PCDH15: variants seen among roughly 807,000 people sequenced by gnomAD.
The protein encoded by PCDH15 is protocadherin related 15, also known as protocadherin-15.
Under a neutral mutation model 178.5 loss-of-function variants are expected in PCDH15, and 129 were observed. The ratio of observed to expected loss-of-function variants is 0.72; its 90% CI spans 0.63 to 0.84. The LOEUF (loss-of-function observed/expected upper bound fraction) is 0.84. PCDH15 is among the 40% of genes least tolerant of loss of function. The pLI is 0.00. For missense variants in PCDH15, 2,230 were observed against 2,099.9 expected, an observed-to-expected ratio of 1.06 and a Z score of -1.21; for synonymous variants, 800 against 732.0, an observed-to-expected ratio of 1.09 and a Z score of -1.50.
At chr10:54,003,752 A>AC (rs2092273777) in intron 20 of PCDH15, among the ~76,000 whole-genome samples, 2 of 150,720 alleles carry the variant, frequency 1.3e-5, no homozygotes, top group South Asian at 4.2e-4. Flanking sequence ...AAAAAAAAAA[A>AC]AAAAAAAAAC....
rs1190323123 is a variant in PCDH15, at chr10:54,183,585, T to G, written c.1449A>C (p.Ala483=). 2 of 1,613,914 alleles carry G rather than the reference T, an allele frequency of 1.2e-6. No homozygotes were observed. Among genetic ancestry groups the G allele is most frequent in the Admixed American group, 3.3e-5 (2 of 60,016 alleles). The change falls in exon 13 of 38, where the codon GCA becomes GCC. Residue 483 remains alanine, a synonymous_variant. Coordinates refer to ENST00000644397, the MANE Select transcript of PCDH15 (RefSeq NM_001384140.1). The stretch of plus-strand genomic sequence containing the variant: ...GCTCACTTTCTTGTACACCATCAAA[T>G]GCTGTTATCTTTGGGAGGAGAAAAA... The part of the protein sequence containing the change: ...EQQTYTFSIT[A]FDGVQESEPV...
At chr10:55,386,690 T>G (rs1837668051) in intron 2 of PCDH15, among the ~76,000 whole-genome samples, 1 of 152,004 alleles carries the variant, frequency 6.6e-6, no homozygotes, top group Non-Finnish European at 1.5e-5. Flanking sequence ...TTGCATACAT[T>G]TGCAAGTATT....
chr10:55,403,176 T>C (rs1372840489), intron 2 of PCDH15, among the ~76,000 whole-genome samples: 7 of 152,008 alleles, frequency 4.6e-5, no homozygotes, highest in African/African-American at 1.7e-4. Flanking sequence ...ATTCTTTGCC[T>C]AGTTTTTTAT....
intron 1 of PCDH15, among the ~76,000 whole-genome samples, chr10:54,732,609 C>T (rs992403928): frequency 6.6e-6 from 1 of 151,354 alleles, no homozygotes; most frequent in Non-Finnish European, 1.5e-5. Flanking sequence ...CCACTAAATG[C>T]TGAAGAAGGA....
At chr10:55,469,303 C>A (rs1011651658) in intron 2 of PCDH15, 4 of 152,010 alleles carry the variant, frequency 2.6e-5, no homozygotes, top group African/African-American at 9.7e-5. Context: ...ATATTTATAG[C>A]TTTTTGTGCG....
intron 3 of PCDH15, among the ~76,000 whole-genome samples, chr10:54,425,680 T>C (rs753588552): frequency 1.3e-5 from 2 of 152,164 alleles, no homozygotes; most frequent in Non-Finnish European, 1.5e-5. Flanking sequence ...TTTCAGCATA[T>C]AGAGGCTCTA....
In PCDH15 at chr10:54,753,999, T is replaced by TA. The variant is rs1946719742; in HGVS notation, c.-29+46925_-29+46926insT. Among the ~76,000 whole-genome samples, 10 of 150,948 alleles carry TA rather than the reference T, an allele frequency of 6.6e-5. 1 individual carries two copies. Among genetic ancestry groups the TA allele is most frequent in the Middle Eastern group, 6.9e-3 (2 of 288 alleles). ...GATTTTTTTTTTTTATTATTATTAT[T>TA]TTTTATTTTTAGTAGAGACAGGGTT... On this transcript the variant is annotated intron_variant, in intron 1 of 37. Coordinates refer to ENST00000644397, the MANE Select transcript of PCDH15 (RefSeq NM_001384140.1).
At chr10:54,011,059 G>A (rs1459055335) in intron 20 of PCDH15, among the ~76,000 whole-genome samples, 1 of 152,122 alleles carries the variant, frequency 6.6e-6, no homozygotes, top group African/African-American at 2.4e-5. Flanking sequence ...TGTCCTCCCT[G>A]TGAATCCTCA....
At chr10:53,826,551 A>G (rs951765830) in intron 32 of PCDH15, among the ~76,000 whole-genome samples, 3 of 151,814 alleles carry the variant, frequency 2.0e-5, no homozygotes, top group African/African-American at 7.3e-5. Flanking sequence ...TCAAAATTGT[A>G]AAATATTCTT....
chr10:54,574,341 T>A (rs1000312252), intron 2 of PCDH15, among the ~76,000 whole-genome samples: 4 of 149,514 alleles, frequency 2.7e-5, no homozygotes, highest in Non-Finnish European at 6.0e-5. Flanking sequence ...GTTGTAGATA[T>A]GTGGCGTTAT....
chr10:55,611,337 A>G (rs1354898551), intron 2 of PCDH15, among the ~76,000 whole-genome samples: 1 of 152,122 alleles, frequency 6.6e-6, no homozygotes, highest in Non-Finnish European at 1.5e-5. Context: ...ACCCTGTTAA[A>G]AAAATGGGCA....
Position 55,045,331 on chromosome 10 carries a change from C to G in PCDH15, c.-80+121245G>C, listed in dbSNP as rs190203616. ...TTATCCAATAAACAGTTTCTTAGGT[C>G]TGTGTCAGATGTTGTGGAAAAATTT... On this transcript the variant is annotated intron_variant, in intron 2 of 5. Transcript: ENST00000458638. 4.0e-3 allele frequency among the ~76,000 whole-genome samples: 612 copies of G among 151,990 alleles called. 6 individuals carry two copies. The highest frequency in any genetic ancestry group is 5.9e-3 in the Non-Finnish European group (404 of 67,912).
chr10:54,921,523 C>T (rs1837487197), intron 2 of PCDH15, among the ~76,000 whole-genome samples: 1 of 152,000 alleles, frequency 6.6e-6, no homozygotes, highest in Non-Finnish European at 1.5e-5. Flanking sequence ...CTGTTGTTCC[C>T]CTCTATGTGT....
At chr10:54,299,681 T>C (rs918993014) in intron 8 of PCDH15, among the ~76,000 whole-genome samples, 8 of 152,170 alleles carry the variant, frequency 5.3e-5, no homozygotes, top group Non-Finnish European at 1.0e-4. Flanking sequence ...GGAGGATAGA[T>C]GGTTCCTCCC....
At chr10:54,946,398 T>C (rs1838201229) in intron 2 of PCDH15, among the ~76,000 whole-genome samples, 2 of 151,790 alleles carry the variant, frequency 1.3e-5, no homozygotes, top group Admixed American at 1.3e-4. Flanking sequence ...TAACACTGTC[T>C]CTTGGGTTAA....
At chr10:54,060,696 T>C (rs11593843) in intron 18 of PCDH15, among the ~76,000 whole-genome samples, 24,293 of 152,178 alleles carry the variant, frequency 0.16, 2,496 homozygotes, top group Non-Finnish European at 0.23. Flanking sequence ...GTAGTTTTAT[T>C]CCATGGCCCA....
rs1841025131 is a variant in PCDH15 at position 53,804,178 on chromosome 10, A to G, written c.*2401T>C. On this transcript the variant is annotated 3_prime_UTR_variant, in exon 38 of 38. Transcript: ENST00000644397. Reference sequence around the variant, plus strand: ...TGTAAATTCTGCTTCTCTTTATACTATCTCCATTAAGTAACAGATGATTGA... The same window carrying G: ...TGTAAATTCTGCTTCTCTTTATACTGTCTCCATTAAGTAACAGATGATTGA... The G allele has an allele frequency of 6.6e-6, 1 of 151,950 alleles. No homozygotes were observed. Among genetic ancestry groups the G allele is most frequent in the Non-Finnish European group, 1.5e-5 (1 of 67,888 alleles). 9.4% of individuals were successfully genotyped at this position (151,950 alleles called of 1,614,324 possible).
At chr10:53,970,504 T>TG (rs1415036617) in intron 21 of PCDH15, among the ~76,000 whole-genome samples, 1 of 151,556 alleles carries the variant, frequency 6.6e-6, no homozygotes, top group African/African-American at 2.4e-5. Flanking sequence ...CAGGAGCTGT[T>TG]TTTTTTTAAA....
chr10:53,822,961 G>C (rs2076399867), intron 32 of PCDH15: 2 of 1,614,006 alleles, frequency 1.2e-6, no homozygotes, highest in East Asian at 4.5e-5. Context: ...GGTCTATTTG[G>C]AACTTTCCTC....
Sources: allele counts gnomAD v4.1 joint callset (sites outside exome capture counted in the v4.1 genomes callset), GRCh38; gene constraint gnomAD v4.1.1; transcripts MANE v1.5; gene names NCBI Gene and HGNC (gene_info 2026-07-23, HGNC 2026-07-21).